The following KNTC1 variants were observed in gnomAD, a reference collection of about 807,000 sequenced individuals.
KNTC1 encodes kinetochore associated 1, also known as kinetochore-associated protein 1.
A neutral mutation model predicts 314.4 loss-of-function variants in KNTC1; 253 were observed. That is an observed-to-expected ratio of 0.80 (90% CI 0.73 to 0.89). The LOEUF (loss-of-function observed/expected upper bound fraction) is 0.89, where lower values mean the gene tolerates loss of function less well. KNTC1 is among the 40% of genes least tolerant of loss of function. The probability of loss-of-function intolerance (pLI) is 0.00; values close to 1 mark genes in which losing one functional copy is unlikely to be tolerated. For missense variants in KNTC1, 2,475 were observed against 2,572.9 expected, an observed-to-expected ratio of 0.96 and a Z score of 0.82; for synonymous variants, 901 against 901.4, an observed-to-expected ratio of 1.00 and a Z score of 0.01.
chr12:122,566,761 T>G (rs1235197774), intron 20 of KNTC1, among the ~76,000 whole-genome samples: 4 of 140,654 alleles, frequency 2.8e-5, no homozygotes, highest in South Asian at 4.8e-4. Flanking sequence ...CAGGCTGGTT[T>G]TTTTTTTTTT....
At chr12:122,561,338 T>C (rs907059926) in intron 18 of KNTC1, among the ~76,000 whole-genome samples, 2 of 151,892 alleles carry the variant, frequency 1.3e-5, no homozygotes, top group Non-Finnish European at 2.9e-5. Context: ...ATAATAATAA[T>C]AAATAAAAAA....
intron 6 of KNTC1, 125 bp from the exon 7 acceptor site, chr12:122,543,475 A>G: frequency 1.4e-6 from 1 of 734,304 alleles, no homozygotes; most frequent in Non-Finnish European, 2.2e-6. Flanking sequence ...CAGGGGCAAA[A>G]CTTAATTCTC....
chr12:122,612,319 G>A (rs902406342), intron 53 of KNTC1, among the ~76,000 whole-genome samples: 6 of 151,670 alleles, frequency 4.0e-5, no homozygotes, highest in Admixed American at 3.9e-4. Context: ...ACCCACCTCG[G>A]GCTCCCAAAG....
chr12:122,537,372 C>T (rs1961925154), intron 3 of KNTC1, among the ~76,000 whole-genome samples: 1 of 152,082 alleles, frequency 6.6e-6, no homozygotes, highest in African/African-American at 2.4e-5. Context: ...CATCTATCAC[C>T]TTCTTACATG....
chr12:122,558,195 A>G (rs1188029765), intron 18 of KNTC1, among the ~76,000 whole-genome samples: 1 of 152,192 alleles, frequency 6.6e-6, no homozygotes, highest in Non-Finnish European at 1.5e-5. Context: ...GGTTGCAGTG[A>G]GCTAAAATTG....
intron 34 of KNTC1, among the ~76,000 whole-genome samples, chr12:122,583,359 T>C (rs987818973): frequency 3.3e-5 from 5 of 152,190 alleles, no homozygotes; most frequent in Non-Finnish European, 7.3e-5. Context: ...AGTGACACTC[T>C]TTTTTCACAG....
At chr12:122,576,524 C>CA (rs1965031422) in intron 29 of KNTC1, among the ~76,000 whole-genome samples, 1 of 151,946 alleles carries the variant, frequency 6.6e-6, no homozygotes, top group Admixed American at 6.6e-5. Flanking sequence ...GCTAAAAATG[C>CA]AAAAAAATTA....
intron 2 of KNTC1, among the ~76,000 whole-genome samples, chr12:122,530,598 G>A (rs906358115): frequency 2.0e-5 from 3 of 151,730 alleles, no homozygotes; most frequent in Admixed American, 2.0e-4. Flanking sequence ...TTACAGTTGT[G>A]TGCCACCATG....
chr12:122,576,226 AT>A (rs71308028), intron 29 of KNTC1, among the ~76,000 whole-genome samples: 3 of 149,808 alleles, frequency 2.0e-5, no homozygotes, highest in Admixed American at 6.6e-5. Context: ...CGCTTGGCTA[AT>A]TTTTTTTTTG....
Position 122,604,621 on chromosome 12 carries a change from A to G in KNTC1, c.5159A>G (p.Gln1720Arg). The G allele has an allele frequency of 1.3e-6, 2 of 1,598,792 alleles. No homozygotes were observed. The highest frequency in any genetic ancestry group is 1.7e-6 in the Non-Finnish European group (2 of 1,166,500). ...CTTTATTTAGCTGAGAGATGGCTAC[A>G]GAATATCCCATCGCAGGTGTGTCTG... ...FCLYLAERWL[Q>R]NIPSQDEKRE... The change falls in exon 49 of 64, where the codon CAG becomes CGG. Residue 1720 changes from glutamine to arginine, a missense_variant. Coordinates refer to ENST00000333479, the MANE Select transcript of KNTC1 (RefSeq NM_014708.6).
chr12:122,562,896 C>T (rs1964073027), intron 20 of KNTC1, among the ~76,000 whole-genome samples, 197 bp downstream of exon 20: 1 of 151,854 alleles, frequency 6.6e-6, no homozygotes, highest in South Asian at 2.1e-4. Flanking sequence ...GTAATCTCAG[C>T]TACTAGGGAG....
intron 32 of KNTC1, 67 bp from the exon 33 acceptor site, chr12:122,580,536 T>G (rs998307919): frequency 9.0e-6 from 9 of 1,002,580 alleles, no homozygotes; most frequent in Middle Eastern, 2.2e-4. Context: ...TAAAATTTCT[T>G]CTTTTTAAAA....
intron 27 of KNTC1, among the ~76,000 whole-genome samples, chr12:122,575,281 A>G (rs186932026): frequency 6.6e-6 from 1 of 152,194 alleles, no homozygotes; most frequent in Non-Finnish European, 1.5e-5. Flanking sequence ...AAAAAAACCC[A>G]GGGATTGTAG....
chr12:122,572,975 G>A lies in KNTC1; in HGVS notation c.2058G>A (p.Arg686=). The A allele has an allele frequency of 2.5e-6, 4 of 1,603,316 alleles. No homozygotes were observed. Among genetic ancestry groups the A allele is most frequent in the Non-Finnish European group, 3.4e-6 (4 of 1,172,854 alleles). The change falls in exon 25 of 64, where the codon AGG becomes AGA. Residue 686 remains arginine (R), a synonymous_variant. Transcript: ENST00000333479. ...YQNTEEVCQL[R]TLVNNLRELI... is the part of the protein sequence containing the mutation. ...ACACAGAGGAAGTATGTCAGCTAAGGACTTTGGTAAATAACTTGCGAGAGT... is the reference window on the plus strand; with the variant it reads ...ACACAGAGGAAGTATGTCAGCTAAGAACTTTGGTAAATAACTTGCGAGAGT...
In KNTC1 at chr12:122,582,755, G is replaced by A. The variant is rs1391944403; in HGVS notation, c.3033G>A (p.Leu1011=). ...LSFEDYSNSS[L]VADLREQHIK... is the part of the protein sequence containing the mutation. Reference sequence around the variant, plus strand: ...TTGAAGATTATAGCAATAGTTCCCTGGTAGCAGATCTCCGTGAGCAGCACA... The same window carrying A: ...TTGAAGATTATAGCAATAGTTCCCTAGTAGCAGATCTCCGTGAGCAGCACA... The change falls in exon 34 of 64, where the codon CTG becomes CTA. Residue 1011 remains leucine, a synonymous_variant. Coordinates refer to ENST00000333479, the MANE Select transcript of KNTC1 (RefSeq NM_014708.6). The A allele has an allele frequency of 6.2e-7, 1 of 1,612,196 alleles. No homozygotes were observed. Among genetic ancestry groups the A allele is most frequent in the East Asian group, 2.2e-5 (1 of 44,868 alleles).
Position 122,618,563 on chromosome 12 carries a change from TC to T in KNTC1, c.6149+19del. On this transcript the variant is annotated intron_variant, in intron 59 of 63. Coordinates refer to ENST00000333479, the MANE Select transcript of KNTC1 (RefSeq NM_014708.6). The stretch of plus-strand genomic sequence containing the variant: ...GTCCTCGAGTAAGCAAAATATTTGT[TC>T]TACCAAAAAAAAAAAAAGTTTGTTG... The T allele has an allele frequency of 6.3e-7, 1 of 1,589,738 alleles. No individual in the cohort carries two copies. The highest frequency in any genetic ancestry group is 1.7e-5 in the Admixed American group (1 of 58,562).
intron 27 of KNTC1, among the ~76,000 whole-genome samples, chr12:122,575,231 A>T (rs1313907351): frequency 6.6e-6 from 1 of 152,204 alleles, no homozygotes; most frequent in Non-Finnish European, 1.5e-5. Context: ...ACTGCACTCC[A>T]GCCTGGGCAA....
chr12:122,530,285 C>T (rs1396916353), intron 2 of KNTC1, 93 bp downstream of exon 2: 4 of 1,058,574 alleles, frequency 3.8e-6, no homozygotes, highest in Non-Finnish European at 1.4e-6. Context: ...TGTGAATGAA[C>T]ATAGCACTTC....
At chr12:122,539,059 AG>A (rs1962076391) in intron 4 of KNTC1, among the ~76,000 whole-genome samples, 1 of 152,234 alleles carries the variant, frequency 6.6e-6, no homozygotes, top group Admixed American at 6.5e-5. Flanking sequence ...GAAGATGGTC[AG>A]GTTTTTATTA....
Sources: gnomAD v4.1 joint callset for allele counts (sites outside exome capture counted in the v4.1 genomes callset) on GRCh38, gnomAD v4.1.1 for gene constraint, MANE v1.5 for transcripts, NCBI Gene and HGNC (gene_info 2026-07-23, HGNC 2026-07-21) for gene names.